Variants in CPS1 observed in about 807,000 individuals in gnomAD.
The protein encoded by CPS1 is carbamoyl-phosphate synthase [ammonia], mitochondrial.
Under a neutral mutation model 174.6 loss-of-function variants are expected in CPS1, and 109 were observed. The observed-to-expected ratio is 0.62, with a 90% confidence interval of 0.53 to 0.73. CPS1 has a LOEUF of 0.73. Ranked by LOEUF, CPS1 falls within the 30% of genes least tolerant of loss-of-function variation. The pLI, the probability that CPS1 is intolerant of heterozygous loss-of-function variation, is 0.00. For missense variants in CPS1, 1,689 were observed against 1,821.9 expected, an observed-to-expected ratio of 0.93 and a Z score of 1.33; for synonymous variants, 637 against 632.0, an observed-to-expected ratio of 1.01 and a Z score of -0.12.
intron 25 of CPS1, among the ~76,000 whole-genome samples, chr2:210,645,045 G>A (rs945493655): frequency 1.3e-5 from 2 of 152,194 alleles, no homozygotes; most frequent in Non-Finnish European, 2.9e-5. Context: ...ATTTACCTGT[G>A]TGGGTTACCA....
intron 1 of CPS1, among the ~76,000 whole-genome samples, chr2:210,500,597 C>A (rs894963183): frequency 6.6e-6 from 1 of 152,210 alleles, no homozygotes; most frequent in South Asian, 2.1e-4. Context: ...AAAATGATCT[C>A]CTTTGACTCT....
intron 23 of CPS1, among the ~76,000 whole-genome samples, 158 bp from the exon 24 acceptor site, chr2:210,639,838 A>G (rs936774689): frequency 5.3e-5 from 8 of 152,172 alleles, no homozygotes; most frequent in Non-Finnish European, 7.4e-5. Context: ...TAGGGCTTGT[A>G]TAACACTTTA....
intron 1 of CPS1, among the ~76,000 whole-genome samples, chr2:210,563,794 C>T (rs1358526515): frequency 1.3e-5 from 2 of 152,202 alleles, no homozygotes; most frequent in Admixed American, 1.3e-4. Flanking sequence ...TGAATTTTGA[C>T]TGTTACTTCC....
At chr2:210,529,700 A>T (rs10198609) in intron 1 of CPS1, among the ~76,000 whole-genome samples, 1 of 152,012 alleles carries the variant, frequency 6.6e-6, no homozygotes, top group East Asian at 1.9e-4. Flanking sequence ...GTCTTACTTC[A>T]CATTAGAAGT....
At chr2:210,648,206 G>C in intron 26 of CPS1, 149 bp downstream of exon 26, 1 of 802,198 alleles carries the variant, frequency 1.2e-6, no homozygotes, top group Non-Finnish European at 2.0e-6. Context: ...GTATATCCAT[G>C]ATTGCAGTTA....
intron 1 of CPS1, among the ~76,000 whole-genome samples, chr2:210,564,809 A>G (rs948423042): frequency 1.3e-5 from 2 of 151,956 alleles, no homozygotes; most frequent in African/African-American, 4.8e-5. Context: ...CATGGCCAAC[A>G]TGGTGAAACC....
At chr2:210,651,301 G>T (rs1574642848) in intron 28 of CPS1, among the ~76,000 whole-genome samples, 1 of 152,178 alleles carries the variant, frequency 6.6e-6, no homozygotes, top group African/African-American at 2.4e-5. Context: ...GCTCTTCTGT[G>T]TATGATAGCT....
chr2:210,528,217 T>A (rs895758798), intron 1 of CPS1, among the ~76,000 whole-genome samples: 2 of 151,880 alleles, frequency 1.3e-5, no homozygotes, highest in African/African-American at 4.8e-5. Flanking sequence ...TGCCTTGTGA[T>A]CAGATAAAAC....
intron 25 of CPS1, among the ~76,000 whole-genome samples, chr2:210,645,086 G>A (rs542259582): frequency 3.7e-4 from 56 of 152,208 alleles, no homozygotes; most frequent in African/African-American, 1.1e-3. Flanking sequence ...TACATGTCCC[G>A]TGATATTTGG....
rs1339876499 is a variant in CPS1 at position 210,669,895 on chromosome 2, A to G, written c.4101+1611A>G. On this transcript the variant is annotated intron_variant, in intron 34 of 37. Coordinates refer to ENST00000233072, the MANE Select transcript of CPS1 (RefSeq NM_001875.5). ...AATCATAATAGTGCTAACATTTTAA[A>G]ATGCCACTTTAAGAAGGCAGTGATG... 3.3e-5 allele frequency among the ~76,000 whole-genome samples: 5 copies of G among 152,154 alleles called. No individual in the cohort carries two copies. The East Asian group carries it at 5.8e-4, about 18-fold the overall frequency.
At chr2:210,576,524 A>C (rs933097630) in intron 3 of CPS1, 34 bp downstream of exon 3, 2 of 1,612,206 alleles carry the variant, frequency 1.2e-6, no homozygotes, top group African/African-American at 2.7e-5. Flanking sequence ...AAAAGTCTCA[A>C]TTTGAGGGAG....
intron 5 of CPS1, among the ~76,000 whole-genome samples, chr2:210,580,378 AC>A (rs1376565323): frequency 6.6e-6 from 1 of 151,370 alleles, no homozygotes; most frequent in Admixed American, 6.6e-5. Flanking sequence ...ACAACATCTG[AC>A]CCCTCCTCTG....
At chr2:210,617,384 G>A (rs998255944) in intron 21 of CPS1, among the ~76,000 whole-genome samples, 1 of 151,992 alleles carries the variant, frequency 6.6e-6, no homozygotes. Flanking sequence ...TGTGTTTAGA[G>A]AAGGAAAAAT....
At chr2:210,486,593 C>T (rs1009793817) in intron 1 of CPS1, among the ~76,000 whole-genome samples, 3 of 152,330 alleles carry the variant, frequency 2.0e-5, no homozygotes, top group South Asian at 2.1e-4. Context: ...TTACCGCAAC[C>T]TCCGCCTCCT....
intron 1 of CPS1, among the ~76,000 whole-genome samples, chr2:210,515,227 A>G (rs1429405396): frequency 3.3e-5 from 5 of 151,766 alleles, no homozygotes; most frequent in Non-Finnish European, 5.9e-5. Context: ...TGAGTTAGGA[A>G]GGAGTCCTTC....
intron 1 of CPS1, among the ~76,000 whole-genome samples, chr2:210,480,069 T>C (rs1274024919): frequency 6.6e-6 from 1 of 152,128 alleles, no homozygotes; most frequent in African/African-American, 2.4e-5. Flanking sequence ...TACATAGAAA[T>C]GTATTTTTCT....
chr2:210,495,962 C>T (rs1423116422), intron 1 of CPS1, among the ~76,000 whole-genome samples: 1 of 151,696 alleles, frequency 6.6e-6, no homozygotes, highest in African/African-American at 2.4e-5. Context: ...CTCCCTCCTT[C>T]CTTACCTTCC....
chr2:210,537,832 A>G (rs1186142348), intron 1 of CPS1, among the ~76,000 whole-genome samples: 1 of 152,126 alleles, frequency 6.6e-6, no homozygotes, highest in East Asian at 1.9e-4. Flanking sequence ...CCTCTTCCAT[A>G]CTACTCCCCA....
At chr2:210,507,364 G>A (rs1296518836) in intron 1 of CPS1, among the ~76,000 whole-genome samples, 1 of 152,088 alleles carries the variant, frequency 6.6e-6, no homozygotes, top group Non-Finnish European at 1.5e-5. Context: ...CCCTAAAAGA[G>A]CTCCTGAAGG....
Sources: allele counts gnomAD v4.1 joint callset (sites outside exome capture counted in the v4.1 genomes callset), GRCh38; gene constraint gnomAD v4.1.1; transcripts MANE v1.5; gene names NCBI Gene and HGNC (gene_info 2026-07-23, HGNC 2026-07-21).